Variants in PHLDB2 observed in about 807,000 individuals in gnomAD.
The protein encoded by PHLDB2 is pleckstrin homology like domain family B member 2.
PHLDB2 carries 71 observed loss-of-function variants against 123.6 expected under a neutral mutation model. That is an observed-to-expected ratio of 0.57 (90% CI 0.47 to 0.70). PHLDB2 has a LOEUF of 0.70. Among genes scored for constraint, PHLDB2 ranks in the 30% least tolerant of loss-of-function variants. PHLDB2 has a pLI of 0.00. For synonymous variants in PHLDB2, 547 were observed against 541.6 expected, an observed-to-expected ratio of 1.01 and a Z score of -0.14; for missense variants, 1,446 against 1,519.5, an observed-to-expected ratio of 0.95 and a Z score of 0.80.
chr3:111,868,468 T>C (rs937135991), intron 1 of PHLDB2, among the ~76,000 whole-genome samples: 1 of 152,178 alleles, frequency 6.6e-6, no homozygotes, highest in Non-Finnish European at 1.5e-5. Context: ...GCCATTTGCT[T>C]ATTCATGAGT....
At chr3:111,779,851 A>G (rs1424874617) in intron 1 of PHLDB2, 7 of 984,172 alleles carry the variant, frequency 7.1e-6, no homozygotes, top group Non-Finnish European at 8.4e-6. Flanking sequence ...GCCATCCTCT[A>G]TATGGAAATA....
Position 111,975,748 on chromosome 3 carries a change from T to G in PHLDB2, c.*1185T>G, listed in dbSNP as rs1179738004. 1 of 152,664 alleles carries G rather than the reference T, an allele frequency of 6.6e-6. No homozygotes were observed. The highest frequency in any genetic ancestry group is 1.5e-5 in the Non-Finnish European group (1 of 68,030). The allele number at this position is 152,664 out of a possible 1,614,324, so 9.5% of individuals were successfully genotyped here. A position where few individuals can be genotyped will look rare whatever the true frequency, so the allele number is the denominator to read the frequency against. ...TTTTCAAGTGCCATTTATTCTAGTT[T>G]ATCATGTTTTGCATGTTTGAAAGTA... On this transcript the variant is annotated 3_prime_UTR_variant, in exon 18 of 18. Coordinates refer to ENST00000431670, the MANE Select transcript of PHLDB2 (RefSeq NM_001134438.2).
At chr3:111,852,540 GA>G (rs2064303454) in intron 2 of PHLDB2, among the ~76,000 whole-genome samples, 1 of 151,886 alleles carries the variant, frequency 6.6e-6, no homozygotes, top group South Asian at 2.1e-4. Context: ...GAAAAACAAA[GA>G]AAACCAACAG....
intron 1 of PHLDB2, among the ~76,000 whole-genome samples, chr3:111,877,051 G>T (rs1194322620): frequency 5.3e-5 from 8 of 152,156 alleles, no homozygotes; most frequent in Non-Finnish European, 1.0e-4. Context: ...TGTCTTTATA[G>T]TAGAATGATT....
intron 13 of PHLDB2, among the ~76,000 whole-genome samples, chr3:111,965,008 A>T (rs1186146054): frequency 1.3e-5 from 2 of 152,208 alleles, no homozygotes; most frequent in Non-Finnish European, 2.9e-5. Context: ...ATGCCCTTAT[A>T]CGTCCTGCAT....
chr3:111,919,313 C>A, intron 4 of PHLDB2, 98 bp downstream of exon 4: 2 of 1,240,196 alleles, frequency 1.6e-6, no homozygotes, highest in Middle Eastern at 2.6e-4. Flanking sequence ...GATACATAGA[C>A]GTCAACACAA....
At position 111,782,415 on chromosome 3, in the gene PHLDB2, G is replaced by A. The variant is rs1377807596; in HGVS notation, c.-49+49712G>A. Among the ~76,000 whole-genome samples the A allele has an allele frequency of 2.0e-5, 3 of 152,100 alleles. No homozygotes were observed. The South Asian group carries it at 6.2e-4, about 32-fold the overall frequency. On this transcript the variant is annotated intron_variant, in intron 1 of 17. Coordinates refer to the PHLDB2 transcript ENST00000393923. ...AAGGAGAGATGCTCTGGCCTACCAT[G>A]AGCCCCTCAAAATTACCACTCTTTG...
intron 1 of PHLDB2, among the ~76,000 whole-genome samples, chr3:111,837,714 A>G (rs533494330): frequency 6.6e-6 from 1 of 152,294 alleles, no homozygotes; most frequent in South Asian, 2.1e-4. Flanking sequence ...AGCTTACTAC[A>G]GAAGACTTTC....
intron 1 of PHLDB2, among the ~76,000 whole-genome samples, chr3:111,866,794 T>C (rs1188674024): frequency 6.6e-6 from 1 of 152,148 alleles, no homozygotes; most frequent in African/African-American, 2.4e-5. Flanking sequence ...ATTCTGCACT[T>C]CACTGGGTGA....
At chr3:111,894,936 G>T (rs2107398619) in intron 2 of PHLDB2, among the ~76,000 whole-genome samples, 1 of 151,676 alleles carries the variant, frequency 6.6e-6, no homozygotes, top group South Asian at 2.1e-4. Context: ...GTTTGCGTGT[G>T]TGTGTGTGTG....
chr3:111,928,372 G>A (rs2068926284), intron 5 of PHLDB2, among the ~76,000 whole-genome samples: 1 of 152,144 alleles, frequency 6.6e-6, no homozygotes, highest in Non-Finnish European at 1.5e-5. Context: ...ATAACCCTGG[G>A]TGGCTAAGTC....
chr3:111,836,305 A>G (rs1559859644), intron 1 of PHLDB2, among the ~76,000 whole-genome samples: 1 of 152,230 alleles, frequency 6.6e-6, no homozygotes, highest in Non-Finnish European at 1.5e-5. Context: ...AACAGAGCAC[A>G]GTGCCAAATG....
intron 1 of PHLDB2, among the ~76,000 whole-genome samples, chr3:111,761,759 G>A (rs979285295): frequency 2.0e-5 from 3 of 152,098 alleles, no homozygotes; most frequent in African/African-American, 4.8e-5. Flanking sequence ...ATGCTGGTCG[G>A]GGATACCACA....
chr3:111,928,442 C>G (rs2068931152), intron 5 of PHLDB2, among the ~76,000 whole-genome samples: 1 of 152,168 alleles, frequency 6.6e-6, no homozygotes, highest in East Asian at 1.9e-4. Context: ...ATGCTTGTTA[C>G]TAAGCCTTCT....
intron 8 of PHLDB2, among the ~76,000 whole-genome samples, chr3:111,940,930 T>C (rs1006248110): frequency 1.3e-5 from 2 of 152,214 alleles, no homozygotes; most frequent in Non-Finnish European, 2.9e-5. Flanking sequence ...TCCTCTTTTT[T>C]AAAAAAGTCA....
rs1447958561 is a variant in PHLDB2 at position 111,974,316 on chromosome 3, A to C, written c.3622-107A>C. On this transcript the variant is annotated intron_variant, in intron 17 of 17. Transcript: ENST00000431670. ...AGTAGAGCAAAAGTAACGCCTTTGT[A>C]AATTTAATAAATTGAAAATTTTGAA... 2.7e-6 allele frequency: 3 copies of C among 1,102,684 alleles called. No homozygotes were observed. In the African/African-American group the frequency reaches 4.9e-5, roughly 18 times the overall value. The allele number at this position is 1,102,684 out of a possible 1,614,324, so 68.3% of individuals were successfully genotyped here.
At chr3:111,862,515 G>A (rs938149335) in intron 1 of PHLDB2, among the ~76,000 whole-genome samples, 1 of 152,160 alleles carries the variant, frequency 6.6e-6, no homozygotes, top group Non-Finnish European at 1.5e-5. Context: ...AGTGGGTAGA[G>A]GCCTGGGATG....
At chr3:111,938,920 G>C (rs1424281585) in intron 6 of PHLDB2, among the ~76,000 whole-genome samples, 1 of 152,022 alleles carries the variant, frequency 6.6e-6, no homozygotes, top group Non-Finnish European at 1.5e-5. Context: ...CAATTCTCCT[G>C]TCTCAGCCTC....
intron 12 of PHLDB2, among the ~76,000 whole-genome samples, chr3:111,961,235 G>T (rs556351553): frequency 6.6e-6 from 1 of 152,298 alleles, no homozygotes; most frequent in East Asian, 1.9e-4. Flanking sequence ...GGAGGCTGAG[G>T]CAGGAGAATT....
Sources: gnomAD v4.1 joint callset for allele counts (sites outside exome capture counted in the v4.1 genomes callset) on GRCh38, gnomAD v4.1.1 for gene constraint, MANE v1.5 for transcripts, NCBI Gene and HGNC (gene_info 2026-07-23, HGNC 2026-07-21) for gene names.